The following ENTPD7 variants were observed in gnomAD, a reference collection of about 807,000 sequenced individuals.
The protein encoded by ENTPD7 is NTPDase 7.
In ENTPD7, 53 loss-of-function variants were observed where a neutral mutation model predicts 77.9. That is an observed-to-expected ratio of 0.68 (90% CI 0.55 to 0.85). The LOEUF (loss-of-function observed/expected upper bound fraction) is 0.85, where lower values mean the gene tolerates loss of function less well. Among genes scored for constraint, ENTPD7 ranks in the 40% least tolerant of loss-of-function variants. The pLI, the probability that ENTPD7 is intolerant of heterozygous loss-of-function variation, is 0.00. For missense variants in ENTPD7, 636 were observed against 743.7 expected, an observed-to-expected ratio of 0.86 and a Z score of 1.68; for synonymous variants, 248 against 274.9, an observed-to-expected ratio of 0.90 and a Z score of 0.97.
Position 99,704,711 on chromosome 10 carries a change from G to A in ENTPD7, c.*28G>A. The A allele has an allele frequency of 6.3e-7, 1 of 1,590,468 alleles. No individual in the cohort carries two copies. The stretch of plus-strand genomic sequence containing the variant: ...CTGGACCAGGACTAGAGAAGCTTGA[G>A]CACCCCCGAGTTGCTGCTCATTGAA... On this transcript the variant is annotated 3_prime_UTR_variant, in exon 13 of 13. Transcript: ENST00000370489.
chr10:99,672,081 A>G (rs2035624622), intron 3 of ENTPD7, among the ~76,000 whole-genome samples: 1 of 152,158 alleles, frequency 6.6e-6, no homozygotes, highest in Admixed American at 6.5e-5. Flanking sequence ...AGAGTGACTC[A>G]AGCCATCCTC....
Position 99,704,903 on chromosome 10 carries a change from G to A in ENTPD7, c.*220G>A. ...TGAGGAACTAAATGACAGGAGATTGGTGCTAATACGGGGGACCAAGCTTTG... is the reference window on the plus strand; with the variant it reads ...TGAGGAACTAAATGACAGGAGATTGATGCTAATACGGGGGACCAAGCTTTG... On this transcript the variant is annotated 3_prime_UTR_variant, in exon 13 of 13. Transcript: ENST00000370489. 1 of 571,940 alleles carries A rather than the reference G, an allele frequency of 1.7e-6. No individual in the cohort carries two copies. The highest frequency in any genetic ancestry group is 3.1e-5 in the Admixed American group (1 of 32,758). 35.4% of individuals were successfully genotyped at this position (571,940 alleles called of 1,614,324 possible).
intron 3 of ENTPD7, among the ~76,000 whole-genome samples, chr10:99,671,965 T>C (rs1316769479): frequency 6.6e-6 from 1 of 152,230 alleles, no homozygotes; most frequent in Non-Finnish European, 1.5e-5. Flanking sequence ...GAATGCTCTT[T>C]AGCATATACA....
Position 99,682,624 on chromosome 10 carries a change from TC to T in ENTPD7, c.548+2750del, listed in dbSNP as rs1167201615. Among the ~76,000 whole-genome samples, 4 of 152,236 alleles carry T rather than the reference TC, an allele frequency of 2.6e-5. No individual in the cohort carries two copies. The East Asian group carries it at 7.7e-4, about 29-fold the overall frequency. On this transcript the variant is annotated intron_variant, in intron 5 of 12. Transcript: ENST00000370489. ...ACCCTGCTACCCTATCAAAACTGTT[TC>T]GTTTTGTTGTATTCCCTCCTTTCTG...
At chr10:99,669,740 GTTTTTTTTTTTTTTT>G (rs71472510) in intron 3 of ENTPD7, among the ~76,000 whole-genome samples, 1 of 59,256 alleles carries the variant, frequency 1.7e-5, no homozygotes, top group Non-Finnish European at 2.9e-5. Context: ...TAGATGTGTG[GTTTTTTTTTTTTTTT>G]TTTTTTTTTT....
intron 3 of ENTPD7, among the ~76,000 whole-genome samples, chr10:99,669,751 T>TG (rs2035595999): frequency 1.6e-5 from 2 of 127,568 alleles, no homozygotes; most frequent in Admixed American, 7.9e-5. Flanking sequence ...TTTTTTTTTT[T>TG]TTTTTTTTTT....
Position 99,704,774 on chromosome 10 carries a change from G to A in ENTPD7, c.*91G>A. The A allele has an allele frequency of 8.5e-7, 1 of 1,171,122 alleles. No homozygotes were observed. The highest frequency in any genetic ancestry group is 1.2e-6 in the Non-Finnish European group (1 of 821,576). The allele number at this position is 1,171,122 out of a possible 1,614,324, so 72.5% of individuals were successfully genotyped here. On this transcript the variant is annotated 3_prime_UTR_variant, in exon 13 of 13. Coordinates refer to ENST00000370489, the MANE Select transcript of ENTPD7 (RefSeq NM_020354.5). ...CTTATATAGCCTCAGATGCTGTGAT[G>A]TCTGACCTTGTGGATATTTGCCCTT...
At position 99,679,254 on chromosome 10, in the gene ENTPD7, G is replaced by A. The variant is rs894346187; in HGVS notation, c.192-7G>A. 7 of 1,612,902 alleles carry A rather than the reference G, an allele frequency of 4.3e-6. No homozygotes were observed. In the Admixed American group the frequency reaches 6.7e-5, roughly 15 times the overall value. ...TTAGCACTGATTTCTCTTTTTGCCT[G>A]ACTTAGGTATTTGGCTCGAGTAGGG... On this transcript the variant is annotated splice_polypyrimidine_tract_variant and splice_region_variant and intron_variant, in intron 3 of 12. Transcript: ENST00000370489.
chr10:99,691,497 C>G lies in ENTPD7; in HGVS notation c.822C>G (p.Thr274=). Residue 274 remains threonine, a synonymous_variant, in exon 8 of 13, where the codon ACC becomes ACG. Transcript: ENST00000370489. ...LQIAYEVPTS[T]SVLPAKQEEA... ...TTGCTTATGAAGTTCCTACCTCAACCTCTGTCCTTCCTGCAAAGCAGGTAC... is the reference window on the plus strand; with the variant it reads ...TTGCTTATGAAGTTCCTACCTCAACGTCTGTCCTTCCTGCAAAGCAGGTAC... 6.2e-7 allele frequency: 1 copy of G among 1,613,844 alleles called. No individual in the cohort carries two copies. Among genetic ancestry groups the G allele is most frequent in the Non-Finnish European group, 8.5e-7 (1 of 1,179,926 alleles).
At position 99,674,840 on chromosome 10, in the gene ENTPD7, T is replaced by C. The variant is rs140511087; in HGVS notation, c.192-4421T>C. Among the ~76,000 whole-genome samples, 527 of 152,334 alleles carry C rather than the reference T, an allele frequency of 3.5e-3. 2 individuals carry two copies. The highest frequency in any genetic ancestry group is 0.011 in the African/African-American group (477 of 41,582). ...AATAATGCCTTAGTGCAAATCAAGA[T>C]AGAGGCACCACATTGTACTAGTAGT... On this transcript the variant is annotated intron_variant, in intron 3 of 12. Coordinates refer to ENST00000370489, the MANE Select transcript of ENTPD7 (RefSeq NM_020354.5).
intron 3 of ENTPD7, among the ~76,000 whole-genome samples, chr10:99,671,565 G>A (rs1159011459): frequency 6.6e-6 from 1 of 152,138 alleles, no homozygotes; most frequent in East Asian, 1.9e-4. Context: ...TTGTACATGT[G>A]GTTTGCTGTT....
intron 3 of ENTPD7, among the ~76,000 whole-genome samples, chr10:99,663,244 T>C (rs1272428798): frequency 1.3e-5 from 2 of 152,246 alleles, no homozygotes; most frequent in African/African-American, 4.8e-5. Context: ...TATAGAACTC[T>C]AGGTTGATCA....
chr10:99,703,225 A>G (rs940384928), intron 12 of ENTPD7, among the ~76,000 whole-genome samples: 1 of 99,988 alleles, frequency 1.0e-5, no homozygotes, highest in African/African-American at 4.2e-5. Context: ...GTACTGTCAG[A>G]TATTTGGGAC....
chr10:99,686,032 T>C, intron 6 of ENTPD7, 137 bp downstream of exon 6: 1 of 572,954 alleles, frequency 1.7e-6, no homozygotes, highest in Non-Finnish European at 3.0e-6. Flanking sequence ...TGCTACATAG[T>C]TGATTTGATT....
chr10:99,668,116 G>T (rs1329577593), intron 3 of ENTPD7, among the ~76,000 whole-genome samples: 1 of 151,632 alleles, frequency 6.6e-6, no homozygotes, highest in Non-Finnish European at 1.5e-5. Context: ...TGTATTTTTA[G>T]TAGAGACAGG....
At chr10:99,669,619 A>G (rs1406500169) in intron 3 of ENTPD7, among the ~76,000 whole-genome samples, 2 of 151,770 alleles carry the variant, frequency 1.3e-5, no homozygotes, top group Non-Finnish European at 2.9e-5. Flanking sequence ...CACTTTTTTT[A>G]GAGCCATTTT....
At chr10:99,699,881 C>T (rs532083016) in intron 10 of ENTPD7, among the ~76,000 whole-genome samples, 1 of 151,828 alleles carries the variant, frequency 6.6e-6, no homozygotes, top group South Asian at 2.1e-4. Flanking sequence ...TCATATTTCC[C>T]TCCCTCCCTC....
intron 3 of ENTPD7, among the ~76,000 whole-genome samples, chr10:99,678,848 T>A (rs1357157042): frequency 6.7e-6 from 1 of 149,158 alleles, no homozygotes; most frequent in East Asian, 2.0e-4. Flanking sequence ...TGGATGCATC[T>A]ATACAGAAAG....
intron 7 of ENTPD7, 44 bp from the exon 8 acceptor site, chr10:99,691,341 A>G (rs779124352): frequency 6.3e-7 from 1 of 1,585,198 alleles, no homozygotes; most frequent in Non-Finnish European, 8.6e-7. Flanking sequence ...ACTTAATTTT[A>G]TTTTTTAATT....
Sources: gnomAD v4.1 joint callset for allele counts (sites outside exome capture counted in the v4.1 genomes callset) on GRCh38, gnomAD v4.1.1 for gene constraint, MANE v1.5 for transcripts, NCBI Gene and HGNC (gene_info 2026-07-23, HGNC 2026-07-21) for gene names.